The following UNC80 variants were observed in gnomAD, a reference collection of about 807,000 sequenced individuals.
UNC80 encodes protein unc-80 homolog.
Under a neutral mutation model 384.6 loss-of-function variants are expected in UNC80, and 164 were observed. The observed-to-expected ratio is 0.43, with a 90% CI of 0.38 to 0.49. The LOEUF (loss-of-function observed/expected upper bound fraction) is 0.49. Among genes scored for constraint, UNC80 ranks in the 20% least tolerant of loss-of-function variants. UNC80 has a pLI of 0.00. For missense variants in UNC80, 3,330 were observed against 4,143.0 expected (o/e 0.80, Z 5.39); for synonymous variants, 1,486 against 1,527.8 (o/e 0.97, Z 0.64).
At chr2:209,959,794 C>A in intron 51 of UNC80, 87 bp downstream of exon 51, 1 of 1,253,982 alleles carries the variant, frequency 8.0e-7, no homozygotes, top group Non-Finnish European at 1.1e-6. Flanking sequence ...AGTGGGGGTT[C>A]TCCAGGAAAA....
chr2:209,928,226 C>T (rs1237479438), intron 36 of UNC80, among the ~76,000 whole-genome samples: 2 of 152,052 alleles, frequency 1.3e-5, no homozygotes, highest in African/African-American at 2.4e-5. Flanking sequence ...ATCCCAGCTA[C>T]TCATGAGGCT....
intron 30 of UNC80, 85 bp from the exon 31 acceptor site, chr2:209,913,717 A>T: frequency 7.3e-7 from 1 of 1,369,394 alleles, no homozygotes; most frequent in Non-Finnish European, 9.7e-7. Context: ...AAGCAGAGAG[A>T]GGGGACGTGG....
intron 26 of UNC80, among the ~76,000 whole-genome samples, chr2:209,892,157 A>G (rs962003720): frequency 2.0e-5 from 3 of 152,116 alleles, no homozygotes; most frequent in Admixed American, 6.6e-5. Context: ...GACTTAATCT[A>G]TGGGAGTAGA....
chr2:209,998,787 A>G lies in UNC80; in HGVS notation c.*3192A>G, dbSNP rs1297151805. On this transcript the variant is annotated 3_prime_UTR_variant, in exon 65 of 65. Transcript: ENST00000673920. The stretch of plus-strand genomic sequence containing the variant: ...AACACAGTCTCCAGAATTCGCTGCT[A>G]TCACACCAAGTCATGCTGTTGCCCT... The G allele has an allele frequency of 6.6e-6, 1 of 152,234 alleles. No individual in the cohort carries two copies. The highest frequency in any genetic ancestry group is 1.5e-5 in the Non-Finnish European group (1 of 68,050). 9.4% of individuals were successfully genotyped at this position (152,234 alleles called of 1,614,324 possible). A position where few individuals can be genotyped will look rare whatever the true frequency, so the allele number is the denominator to read the frequency against.
chr2:209,936,078 G>GA (rs1286288407), intron 40 of UNC80, among the ~76,000 whole-genome samples: 2 of 151,596 alleles, frequency 1.3e-5, no homozygotes, highest in South Asian at 2.1e-4. Context: ...GAGACCTTTG[G>GA]AAAAAAAATC....
intron 47 of UNC80, among the ~76,000 whole-genome samples, chr2:209,947,037 G>C (rs1044990332): frequency 6.6e-6 from 1 of 152,146 alleles, no homozygotes. Flanking sequence ...GGTCAGGCAC[G>C]GATGTGGCTG....
chr2:209,924,581 G>A (rs1291367585), intron 35 of UNC80, among the ~76,000 whole-genome samples: 1 of 151,908 alleles, frequency 6.6e-6, no homozygotes, highest in African/African-American at 2.4e-5. Context: ...GAATTTCTCA[G>A]GTCTTTCCTG....
At chr2:209,925,675 T>A (rs1169333420) in intron 35 of UNC80, among the ~76,000 whole-genome samples, 1 of 152,178 alleles carries the variant, frequency 6.6e-6, no homozygotes, top group Admixed American at 6.5e-5. Context: ...GAGCACTGAC[T>A]GGTGCGATTT....
rs144266151 is a variant in UNC80, at chr2:209,916,848, C to T, written c.5030-929C>T. Reference sequence around the variant, plus strand: ...TAAAAAACAATATACTTTAGAAATGCGTTGTACTTTTCACTTCACAAAGCA... The same window carrying T: ...TAAAAAACAATATACTTTAGAAATGTGTTGTACTTTTCACTTCACAAAGCA... On this transcript the variant is annotated intron_variant, in intron 31 of 64. Transcript: ENST00000673920. Among the ~76,000 whole-genome samples, 192 of 152,206 alleles carry T rather than the reference C, an allele frequency of 1.3e-3. 1 individual carries two copies. The highest frequency in any genetic ancestry group is 2.2e-3 in the Non-Finnish European group (148 of 67,998).
At chr2:209,942,751 A>G (rs957254278) in intron 44 of UNC80, among the ~76,000 whole-genome samples, 1 of 152,100 alleles carries the variant, frequency 6.6e-6, no homozygotes, top group Non-Finnish European at 1.5e-5. Flanking sequence ...TGTTCATTAC[A>G]AAATTCAAAA....
chr2:209,976,299 G>A lies in UNC80; in HGVS notation c.8768G>A (p.Cys2923Tyr). ...GTGCTTTTGCGCCCTTTCATCCAGTGCAAGGTGTGGTGTGTGCTTCTCCTC... is the reference window on the plus strand; with the variant it reads ...GTGCTTTTGCGCCCTTTCATCCAGTACAAGGTGTGGTGTGTGCTTCTCCTC... The part of the protein sequence containing the change: ...IFVLLRPFIQ[C>Y]KLLAQPAENH... Residue 2923 changes from cysteine to tyrosine, a missense_variant, in exon 57 of 65, where the codon TGC (cysteine) becomes TAC (tyrosine). This residue lies in a region of UNC80 where 216 missense variants were observed against 245.3 expected (regional missense o/e 0.88). Coordinates refer to ENST00000673920, the MANE Select transcript of UNC80 (RefSeq NM_001371986.1). The surrounding 1 kb of genome is among the most constrained non-coding windows in gnomAD (Gnocchi z 4.3). 1.3e-6 allele frequency: 2 copies of A among 1,551,784 alleles called. No individual in the cohort carries two copies. Among genetic ancestry groups the A allele is most frequent in the Non-Finnish European group, 1.7e-6 (2 of 1,147,014 alleles).
At chr2:209,801,573 G>A (rs2078556968) in intron 7 of UNC80, among the ~76,000 whole-genome samples, 2 of 151,108 alleles carry the variant, frequency 1.3e-5, no homozygotes, top group African/African-American at 2.4e-5. Context: ...AGTAGAGATG[G>A]GGTTTCACCA....
intron 33 of UNC80, 149 bp from the exon 34 acceptor site, chr2:209,921,351 G>A (rs2124952778): frequency 2.6e-6 from 2 of 772,554 alleles, no homozygotes; most frequent in South Asian, 3.0e-5. Flanking sequence ...TTTGGTAAAA[G>A]GACAAATATC....
intron 7 of UNC80, among the ~76,000 whole-genome samples, chr2:209,807,728 A>T (rs1449026556): frequency 6.6e-6 from 1 of 152,210 alleles, no homozygotes; most frequent in East Asian, 1.9e-4. Flanking sequence ...CTGGTTAATT[A>T]AAATGACTTT....
intron 21 of UNC80, among the ~76,000 whole-genome samples, chr2:209,844,481 TTCCTTCCTTCC>T (rs1559185957): frequency 0.021 from 1,328 of 62,478 alleles, 22 homozygotes; most frequent in East Asian, 0.043. Context: ...CTTTCTTTCC[TTCCTTCCTTCC>T]TTCCTTCCTT....
intron 52 of UNC80, chr2:209,969,492 T>G: frequency 2.3e-6 from 1 of 441,282 alleles, no homozygotes; most frequent in Non-Finnish European, 4.1e-6. Context: ...TAGGACCCTC[T>G]GTCAAAGCTA....
At chr2:209,949,124 T>A (rs1214772018) in intron 47 of UNC80, among the ~76,000 whole-genome samples, 1 of 152,194 alleles carries the variant, frequency 6.6e-6, no homozygotes, top group African/African-American at 2.4e-5. Flanking sequence ...TTTACAACTA[T>A]GTTAATGAGA....
chr2:209,855,943 CTTA>C (rs2082881783), intron 22 of UNC80, among the ~76,000 whole-genome samples: 1 of 151,828 alleles, frequency 6.6e-6, no homozygotes, highest in Non-Finnish European at 1.5e-5. Context: ...TAGCAATGCC[CTTA>C]TTAATATTTT....
At chr2:209,781,474 C>T (rs2077152884) in intron 4 of UNC80, among the ~76,000 whole-genome samples, 1 of 151,168 alleles carries the variant, frequency 6.6e-6, no homozygotes. Context: ...TGAATCTAAT[C>T]TCTATTTGCA....
Sources: gnomAD v4.1 joint callset for allele counts (sites outside exome capture counted in the v4.1 genomes callset) on GRCh38, gnomAD v4.1.1 for gene constraint, gnomAD v4.1.1 regional missense constraint, Gnocchi (gnomAD v3.1) non-coding constraint, MANE v1.5 for transcripts, NCBI Gene and HGNC (gene_info 2026-07-23, HGNC 2026-07-21) for gene names.